MTUS2: variants seen among roughly 807,000 people sequenced by gnomAD.
MTUS2 encodes the protein microtubule associated scaffold protein 2, also known as microtubule-associated tumor suppressor candidate 2.
A neutral mutation model predicts 114.1 loss-of-function variants in MTUS2; 40 were observed. The observed-to-expected ratio is 0.35, with a 90% confidence interval of 0.27 to 0.46. The LOEUF is 0.46. MTUS2 is among the 20% of genes least tolerant of loss of function. The probability of loss-of-function intolerance (pLI) is 1.00; values close to 1 mark genes in which losing one functional copy is unlikely to be tolerated. For missense variants in MTUS2, 1,679 were observed against 1,705.4 expected (o/e 0.98, Z 0.27); for synonymous variants, 688 against 672.0 (o/e 1.02, Z -0.37).
chr13:29,054,285 C>T (rs1424594538), intron 4 of MTUS2, among the ~76,000 whole-genome samples: 1 of 151,970 alleles, frequency 6.6e-6, no homozygotes, highest in African/African-American at 2.4e-5. Flanking sequence ...TATTATTTAG[C>T]TGTAAGGGAT....
chr13:29,115,308 A>G (rs879578032), intron 5 of MTUS2, among the ~76,000 whole-genome samples: 19 of 152,208 alleles, frequency 1.2e-4, no homozygotes, highest in African/African-American at 4.6e-4. Context: ...TTTGTGAGAC[A>G]GTTTTGGCTC....
chr13:29,496,673 G>A lies in MTUS2; in HGVS notation c.3580-565G>A, dbSNP rs147397214. Among the ~76,000 whole-genome samples, 2 of 152,222 alleles carry A rather than the reference G, an allele frequency of 1.3e-5. No individual in the cohort carries two copies. The highest frequency in any genetic ancestry group is 2.9e-5 in the Non-Finnish European group (2 of 68,008). ...AGAGGAACCGTGCCAGGAAGGAGCC[G>A]GCAGAGTGGCCTGAGCTCAGGGGAC... is the stretch of plus-strand genomic sequence containing the variant. On this transcript the variant is annotated intron_variant, in intron 12 of 15. Coordinates refer to ENST00000612955, the MANE Select transcript of MTUS2 (RefSeq NM_001033602.4). The surrounding 1 kb of genome is among the most constrained non-coding windows in gnomAD (Gnocchi z 4.3).
At chr13:28,984,805 A>T (rs138383217) in intron 2 of MTUS2, among the ~76,000 whole-genome samples, 276 of 152,376 alleles carry the variant, frequency 1.8e-3, no homozygotes, top group African/African-American at 6.4e-3. Context: ...CCTGTATCAG[A>T]TACGTTATTT....
At chr13:29,439,342 T>G (rs1033518194) in intron 8 of MTUS2, among the ~76,000 whole-genome samples, 1 of 152,228 alleles carries the variant, frequency 6.6e-6, no homozygotes, top group Non-Finnish European at 1.5e-5. Context: ...AGCAGTCATT[T>G]AGTTATACGG....
At chr13:29,457,041 A>C (rs1423688641) in intron 9 of MTUS2, among the ~76,000 whole-genome samples, 2 of 151,100 alleles carry the variant, frequency 1.3e-5, no homozygotes, top group African/African-American at 4.9e-5. Context: ...GCTACTCGGG[A>C]GGCTGAGGCA....
chr13:29,450,741 G>GA (rs1031798058), intron 9 of MTUS2, among the ~76,000 whole-genome samples: 1 of 151,606 alleles, frequency 6.6e-6, no homozygotes, highest in Non-Finnish European at 1.5e-5. Flanking sequence ...GTGAAAGGAT[G>GA]AAAAAAATAT....
At chr13:29,166,543 A>G (rs1893325359) in intron 5 of MTUS2, among the ~76,000 whole-genome samples, 1 of 152,226 alleles carries the variant, frequency 6.6e-6, no homozygotes, top group African/African-American at 2.4e-5. Context: ...TCAGCAATAG[A>G]TGTTCAGGAT....
At position 29,027,715 on chromosome 13, in the gene MTUS2, C is replaced by T. The variant is rs138629186; in HGVS notation, c.2205+812C>T. Among the ~76,000 whole-genome samples the T allele has an allele frequency of 3.8e-4, 58 of 152,274 alleles. No individual in the cohort carries two copies. The East Asian group carries it at 0.011, about 29-fold the overall frequency. On this transcript the variant is annotated intron_variant, in intron 3 of 15. Coordinates refer to ENST00000612955, the MANE Select transcript of MTUS2 (RefSeq NM_001033602.4). ...TACAGGCGCCCGCCACCGCGCCTGG[C>T]TACTTTTTTGTATTTTTAGTAGAGA...
At chr13:29,158,348 G>A (rs888774300) in intron 5 of MTUS2, among the ~76,000 whole-genome samples, 491 of 5,832 alleles carry the variant, frequency 0.084, 2 homozygotes, top group African/African-American at 0.22. Context: ...CCCAACCCCC[G>A]TCCACCCCGC....
chr13:28,832,525 G>C (rs1241661007), intron 1 of MTUS2, among the ~76,000 whole-genome samples: 1 of 151,162 alleles, frequency 6.6e-6, no homozygotes, highest in Non-Finnish European at 1.5e-5. Context: ...TTTTTTAGCT[G>C]TTAATGACTG....
chr13:29,027,029 G>A, intron 3 of MTUS2, 126 bp downstream of exon 3: 2 of 1,021,660 alleles, frequency 2.0e-6, no homozygotes, highest in African/African-American at 1.6e-5. Context: ...GGATACACTT[G>A]TGAAGAAATG....
At chr13:28,991,538 T>G (rs546738045) in intron 2 of MTUS2, among the ~76,000 whole-genome samples, 67 of 152,104 alleles carry the variant, frequency 4.4e-4, no homozygotes, top group Middle Eastern at 6.8e-3. Flanking sequence ...CTAGCTAATT[T>G]TTTGTATTTT....
At chr13:29,363,213 G>A (rs556199478) in intron 8 of MTUS2, among the ~76,000 whole-genome samples, 14 of 152,262 alleles carry the variant, frequency 9.2e-5, no homozygotes, top group South Asian at 2.1e-4. Flanking sequence ...CCATGAAACA[G>A]TCCACAGGAT....
At chr13:29,116,200 T>G (rs1390803314) in intron 5 of MTUS2, among the ~76,000 whole-genome samples, 2 of 152,210 alleles carry the variant, frequency 1.3e-5, no homozygotes, top group Non-Finnish European at 2.9e-5. Context: ...CAGAACTTTA[T>G]GAAGACAAAA....
chr13:29,228,313 G>A (rs913336737), intron 5 of MTUS2, among the ~76,000 whole-genome samples: 3 of 152,146 alleles, frequency 2.0e-5, no homozygotes, highest in South Asian at 2.1e-4. Context: ...ATGCAAGAAA[G>A]TGTAAAGAGC....
chr13:29,401,319 A>G (rs1874326644), intron 8 of MTUS2, among the ~76,000 whole-genome samples: 1 of 152,094 alleles, frequency 6.6e-6, no homozygotes, highest in African/African-American at 2.4e-5. Flanking sequence ...TATTTTCTTT[A>G]TAGATTTTTT....
rs73441972 is a variant in MTUS2, at chr13:29,389,080, A to G, written c.3117+29607A>G. On this transcript the variant is annotated intron_variant, in intron 8 of 15. Coordinates refer to ENST00000612955, the MANE Select transcript of MTUS2 (RefSeq NM_001033602.4). ...ATTAACATTTCATAAAGAATGTTAC[A>G]TACTTGATGCCTTTATTCTCATTGG... Among the ~76,000 whole-genome samples, 430 of 152,140 alleles carry G rather than the reference A, an allele frequency of 2.8e-3. 6 individuals carry two copies. Among genetic ancestry groups the G allele is most frequent in the African/African-American group, 9.6e-3 (397 of 41,498 alleles).
intron 2 of MTUS2, among the ~76,000 whole-genome samples, chr13:28,942,273 A>G (rs557310767): frequency 1.2e-4 from 19 of 152,186 alleles, no homozygotes; most frequent in African/African-American, 3.9e-4. Flanking sequence ...CGAAACCACA[A>G]TGAGATACCA....
chr13:29,012,217 T>G (rs546644415), intron 2 of MTUS2, among the ~76,000 whole-genome samples: 1 of 152,286 alleles, frequency 6.6e-6, no homozygotes, highest in East Asian at 1.9e-4. Context: ...TAAACCCATG[T>G]GGCGAAGCTT....
Sources: gnomAD v4.1 joint callset for allele counts (sites outside exome capture counted in the v4.1 genomes callset) on GRCh38, gnomAD v4.1.1 for gene constraint, Gnocchi (gnomAD v3.1) non-coding constraint, MANE v1.5 for transcripts, NCBI Gene and HGNC (gene_info 2026-07-23, HGNC 2026-07-21) for gene names.